The following RASAL2 variants were observed in gnomAD, a reference collection of about 807,000 sequenced individuals.
RASAL2 encodes the protein ras GTPase-activating protein nGAP.
Under a neutral mutation model 128.9 loss-of-function variants are expected in RASAL2, and 58 were observed. That is an observed-to-expected ratio of 0.45 (90% CI 0.36 to 0.56). The LOEUF (loss-of-function observed/expected upper bound fraction) is 0.56. Ranked by LOEUF, RASAL2 falls within the 20% of genes least tolerant of loss-of-function variation. The probability of loss-of-function intolerance (pLI) is 0.00; values close to 1 mark genes in which losing one functional copy is unlikely to be tolerated. For synonymous variants in RASAL2, 561 were observed against 580.8 expected, an observed-to-expected ratio of 0.97 and a Z score of 0.49; for missense variants, 1,360 against 1,601.6, an observed-to-expected ratio of 0.85 and a Z score of 2.57.
intron 1 of RASAL2, among the ~76,000 whole-genome samples, chr1:178,219,456 G>A (rs1490981364): frequency 6.6e-6 from 1 of 151,886 alleles, no homozygotes; most frequent in East Asian, 1.9e-4. Context: ...AGACCAGCCT[G>A]GGCAACAAAC....
chr1:178,263,515 C>G (rs1665794101), intron 1 of RASAL2, among the ~76,000 whole-genome samples: 1 of 152,200 alleles, frequency 6.6e-6, no homozygotes, highest in Non-Finnish European at 1.5e-5. Context: ...ACTTGACCTT[C>G]ATGCTTCTCA....
At chr1:178,244,611 A>G (rs1360739143) in intron 1 of RASAL2, among the ~76,000 whole-genome samples, 1 of 152,180 alleles carries the variant, frequency 6.6e-6, no homozygotes, top group Non-Finnish European at 1.5e-5. Context: ...CTTAATGTGC[A>G]GGTTTGTTAC....
intron 3 of RASAL2, among the ~76,000 whole-genome samples, chr1:178,361,678 G>GA (rs889725731): frequency 3.3e-4 from 50 of 152,068 alleles, no homozygotes; most frequent in African/African-American, 1.2e-3. Context: ...TTTCATGGAA[G>GA]ATTTTTCCAT....
intron 1 of RASAL2, among the ~76,000 whole-genome samples, chr1:178,106,065 G>A (rs1161113088): frequency 6.6e-6 from 1 of 152,164 alleles, no homozygotes; most frequent in East Asian, 1.9e-4. Flanking sequence ...CGCTGTAGAT[G>A]ACAACATTAT....
At chr1:178,188,177 A>G (rs1662371565) in intron 1 of RASAL2, among the ~76,000 whole-genome samples, 1 of 151,992 alleles carries the variant, frequency 6.6e-6, no homozygotes, top group Non-Finnish European at 1.5e-5. Context: ...ACTCAAGGGG[A>G]TTTCTGTACA....
At chr1:178,126,872 T>C (rs1455424703) in intron 1 of RASAL2, among the ~76,000 whole-genome samples, 2 of 152,218 alleles carry the variant, frequency 1.3e-5, no homozygotes, top group African/African-American at 4.8e-5. Context: ...CATGCTGTCA[T>C]GTCCAGTCTG....
intron 3 of RASAL2, among the ~76,000 whole-genome samples, chr1:178,306,268 G>A (rs1571823967): frequency 6.6e-6 from 1 of 152,088 alleles, no homozygotes; most frequent in Non-Finnish European, 1.5e-5. Context: ...TGGTGTATAT[G>A]TGCCACATTT....
At chr1:178,371,322 C>CCTCACACACA (rs796822835) in intron 3 of RASAL2, among the ~76,000 whole-genome samples, 1 of 124,372 alleles carries the variant, frequency 8.0e-6, no homozygotes, top group African/African-American at 2.8e-5. Flanking sequence ...GCCTTCTTTC[C>CCTCACACACA]CACACACACA....
chr1:178,254,304 C>G (rs189233718), intron 1 of RASAL2, among the ~76,000 whole-genome samples: 1 of 152,250 alleles, frequency 6.6e-6, no homozygotes, highest in Non-Finnish European at 1.5e-5. Flanking sequence ...TTAAGTCTCC[C>G]CATATTATAT....
At position 178,140,476 on chromosome 1, in the gene RASAL2, C is replaced by T. The variant is rs376677822; in HGVS notation, c.202+45782C>T. On this transcript the variant is annotated intron_variant, in intron 1 of 17. Transcript: ENST00000367649. ...GAAAATACCCTGTGTTTCTCCTCTT[C>T]TTCCATTCTTTCCTCCCCCTGAAAC... 2.6e-5 allele frequency among the ~76,000 whole-genome samples: 4 copies of T among 152,296 alleles called. No individual in the cohort carries two copies. In the East Asian group the frequency reaches 5.8e-4, roughly 22 times the overall value.
intron 3 of RASAL2, among the ~76,000 whole-genome samples, chr1:178,313,589 C>A (rs1036558723): frequency 3.9e-5 from 6 of 151,916 alleles, no homozygotes; most frequent in African/African-American, 1.5e-4. Flanking sequence ...CTCCTGGGCT[C>A]AAGCAATCCT....
intron 4 of RASAL2, among the ~76,000 whole-genome samples, chr1:178,405,930 ACT>A (rs967986845): frequency 2.6e-5 from 4 of 151,908 alleles, no homozygotes; most frequent in African/African-American, 7.3e-5. Context: ...GCAAAGGAAA[ACT>A]CTGTACTATT....
At chr1:178,382,357 G>A (rs73035288) in intron 3 of RASAL2, among the ~76,000 whole-genome samples, 1 of 152,136 alleles carries the variant, frequency 6.6e-6, no homozygotes, top group Non-Finnish European at 1.5e-5. Flanking sequence ...AGCATTCAAG[G>A]ATTGAGTTGT....
intron 3 of RASAL2, among the ~76,000 whole-genome samples, chr1:178,320,559 G>T (rs1438943202): frequency 1.3e-5 from 2 of 152,184 alleles, no homozygotes; most frequent in Non-Finnish European, 1.5e-5. Flanking sequence ...TGATTTTCCA[G>T]GTGCGTCCGT....
At chr1:178,331,858 A>AT (rs2102371754) in intron 3 of RASAL2, among the ~76,000 whole-genome samples, 1 of 152,130 alleles carries the variant, frequency 6.6e-6, no homozygotes, top group Non-Finnish European at 1.5e-5. Context: ...AAGTGCTGGG[A>AT]TTACAGGCAT....
In RASAL2 at chr1:178,442,780, C is replaced by T. The variant is rs553116483; in HGVS notation, c.1033C>T (p.Leu345Phe). The change falls in exon 8 of 18, where the codon CTC (leucine) becomes TTC (phenylalanine). Residue 345 changes from leucine to phenylalanine, a missense_variant. Around this residue, in one of 3 missense-constraint regions of RASAL2, gnomAD observed 617 missense variants for 714.2 expected, o/e 0.86. Coordinates refer to ENST00000367649, the MANE Select transcript of RASAL2 (RefSeq NM_170692.4). Reference protein sequence around the residue: ...YFCELCLDDTLFARTTSKTKA... With the variant: ...YFCELCLDDTFFARTTSKTKA... ...CTGCGAACTGTGCCTTGATGATACC[C>T]TCTTTGCTCGTACAACCAGCAAGAC... 1 of 1,613,830 alleles carries T rather than the reference C, an allele frequency of 6.2e-7. No homozygotes were observed. Among genetic ancestry groups the T allele is most frequent in the African/African-American group, 1.3e-5 (1 of 74,868 alleles).
At chr1:178,319,964 G>C (rs1668674528) in intron 3 of RASAL2, among the ~76,000 whole-genome samples, 1 of 152,068 alleles carries the variant, frequency 6.6e-6, no homozygotes, top group Admixed American at 6.5e-5. Context: ...ATGTACAGAT[G>C]GGTTTTCGGT....
At chr1:178,220,333 G>GGAATGGCCAGTT (rs1372502256) in intron 1 of RASAL2, among the ~76,000 whole-genome samples, 1 of 152,162 alleles carries the variant, frequency 6.6e-6, no homozygotes, top group Non-Finnish European at 1.5e-5. Context: ...AAAGAGGCAA[G>GGAATGGCCAGTT]GAATGGCCAG....
At chr1:178,212,420 G>A (rs1223018129) in intron 1 of RASAL2, among the ~76,000 whole-genome samples, 3 of 152,166 alleles carry the variant, frequency 2.0e-5, no homozygotes, top group African/African-American at 4.8e-5. Context: ...GCCAGCTAAC[G>A]GAGGAACTGG....
Sources: gnomAD v4.1 joint callset for allele counts (sites outside exome capture counted in the v4.1 genomes callset) on GRCh38, gnomAD v4.1.1 for gene constraint, gnomAD v4.1.1 regional missense constraint, MANE v1.5 for transcripts, NCBI Gene and HGNC (gene_info 2026-07-23, HGNC 2026-07-21) for gene names.